The following PRELID2 variants were observed in gnomAD, a reference collection of about 807,000 sequenced individuals.
The protein encoded by PRELID2 is PRELI domain-containing protein 2.
In PRELID2, 25 loss-of-function variants were observed where a neutral mutation model predicts 28.4. The observed-to-expected ratio is 0.88, with a 90% CI of 0.64 to 1.23. PRELID2 has a LOEUF of 1.23. PRELID2 is among the 50% of genes most tolerant of loss of function. The pLI is 0.00. For missense variants in PRELID2, 201 were observed against 214.4 expected (o/e 0.94, Z 0.39); for synonymous variants, 76 against 71.6 (o/e 1.06, Z -0.31).
chr5:145,773,537 T>C (rs760981431), intron 5 of PRELID2, among the ~76,000 whole-genome samples: 4 of 152,376 alleles, frequency 2.6e-5, no homozygotes, highest in East Asian at 1.9e-4. Context: ...TGATCATCTG[T>C]TGCCTGCTGG....
the PRELID2 span, among the ~76,000 whole-genome samples, chr5:145,279,578 C>A: frequency 6.6e-6 from 1 of 152,120 alleles, no homozygotes; most frequent in African/African-American, 2.4e-5. Context: ...GCTAGAATTT[C>A]ACAAACTCTA....
chr5:145,654,123 C>G (rs1267540658), intron 1 of PRELID2, among the ~76,000 whole-genome samples: 1 of 152,200 alleles, frequency 6.6e-6, no homozygotes, highest in African/African-American at 2.4e-5. Context: ...ATAAACACCT[C>G]TACGCAAATA....
intron 1 of PRELID2, among the ~76,000 whole-genome samples, chr5:145,824,463 T>TGTGTGTGTGAGA (rs373555427): frequency 0.012 from 1,783 of 143,642 alleles, 21 homozygotes; most frequent in Non-Finnish European, 0.022. Context: ...TGTGTGTGTG[T>TGTGTGTGTGAGA]GATATTGATT....
At chr5:145,727,598 G>GC (rs1756208670) in intron 1 of PRELID2, among the ~76,000 whole-genome samples, 1 of 152,134 alleles carries the variant, frequency 6.6e-6, no homozygotes, top group African/African-American at 2.4e-5. Flanking sequence ...GGTGGCTTCT[G>GC]CATCTGTAAA....
intron 1 of PRELID2, among the ~76,000 whole-genome samples, chr5:145,632,488 A>G (rs1206778269): frequency 6.6e-6 from 1 of 152,208 alleles, no homozygotes; most frequent in Non-Finnish European, 1.5e-5. Context: ...TTCTTCTTGT[A>G]TATAGAGAAT....
At chr5:145,612,541 G>T (rs1330485826) in intron 1 of PRELID2, among the ~76,000 whole-genome samples, 3 of 152,144 alleles carry the variant, frequency 2.0e-5, no homozygotes, top group South Asian at 2.1e-4. Context: ...CAATTTTTGA[G>T]ATTTTGGTGC....
At chr5:145,821,283 GTGTT>G (rs1488843211) in intron 2 of PRELID2, among the ~76,000 whole-genome samples, 1 of 150,236 alleles carries the variant, frequency 6.7e-6, no homozygotes, top group Non-Finnish European at 1.5e-5. Flanking sequence ...CCTCTTCTGT[GTGTT>G]TAAGCTCTCT....
At chr5:145,742,028 T>C (rs1756817651) in intron 1 of PRELID2, among the ~76,000 whole-genome samples, 1 of 127,494 alleles carries the variant, frequency 7.8e-6, no homozygotes, top group Non-Finnish European at 1.6e-5. Flanking sequence ...GTAAATAAAT[T>C]TATTCATTAA....
At chr5:145,773,995 T>C (rs111264678) in intron 5 of PRELID2, among the ~76,000 whole-genome samples, 2,443 of 152,338 alleles carry the variant, frequency 0.016, 64 homozygotes, top group African/African-American at 0.056. Context: ...TGATCTTCTT[T>C]ACATAAAAGG....
chr5:145,720,474 A>G (rs1326698663), intron 1 of PRELID2, among the ~76,000 whole-genome samples: 2 of 152,026 alleles, frequency 1.3e-5, no homozygotes, highest in African/African-American at 4.8e-5. Context: ...AAGAGGAAAA[A>G]AAATGTGAAC....
chr5:145,310,137 A>G, the PRELID2 span, among the ~76,000 whole-genome samples: 6 of 152,368 alleles, frequency 3.9e-5, no homozygotes, highest in African/African-American at 1.4e-4. Context: ...GTGAGATTTC[A>G]AGAAATAAAT....
At chr5:145,467,424 G>C (rs1752011815), downstream of PRELID2, among the ~76,000 whole-genome samples, 2 of 152,018 alleles carry the variant, frequency 1.3e-5, no homozygotes, top group Middle Eastern at 3.4e-3. Flanking sequence ...ACCATTCCAA[G>C]TCTACATATA....
At chr5:145,533,791 G>A (rs910999602) in intron 1 of PRELID2, among the ~76,000 whole-genome samples, 2 of 152,034 alleles carry the variant, frequency 1.3e-5, no homozygotes, top group East Asian at 3.9e-4. Flanking sequence ...CTGTAGTTAG[G>A]ATTCCAAATA....
intron 1 of PRELID2, among the ~76,000 whole-genome samples, chr5:145,636,611 C>T (rs375939275): frequency 2.0e-5 from 3 of 152,220 alleles, no homozygotes; most frequent in East Asian, 3.8e-4. Flanking sequence ...GAAACTGGCA[C>T]AGCCAGTTCT....
At chr5:145,312,684 G>A in the PRELID2 span, among the ~76,000 whole-genome samples, 1 of 151,952 alleles carries the variant, frequency 6.6e-6, no homozygotes, top group Non-Finnish European at 1.5e-5. Flanking sequence ...CAAATGACTG[G>A]ATTTTTTTTC....
chr5:145,339,648 C>A, the PRELID2 span, among the ~76,000 whole-genome samples: 1 of 152,142 alleles, frequency 6.6e-6, no homozygotes, highest in Non-Finnish European at 1.5e-5. Context: ...AGAAGCTATA[C>A]ATTCCCATGC....
rs369429281 is a variant in PRELID2, at chr5:145,824,425, CGTGTGTGTGTGTGT to C, written c.76-1305_76-1292del. On this transcript the variant is annotated intron_variant, in intron 1 of 6. Coordinates refer to ENST00000683046, the MANE Select transcript of PRELID2 (RefSeq NM_205846.3). ...ACTGTGGGTCTCCACCCACAGCAGG[CGTGTGTGTGTGTGT>C]GTGTGTGTGTGTGTGTGTGTGTGTG... is the stretch of plus-strand genomic sequence containing the variant. Among the ~76,000 whole-genome samples the C allele has an allele frequency of 9.9e-4, 95 of 96,256 alleles. 1 individual carries two copies. The East Asian group carries it at 0.02, about 20-fold the overall frequency. The allele number at this position is 96,256 out of a possible 152,430, so 63.1% of individuals were successfully genotyped here.
chr5:145,567,343 ATGGTT>A (rs70998025), intron 1 of PRELID2, among the ~76,000 whole-genome samples: 2,132 of 146,306 alleles, frequency 0.015, 22 homozygotes, highest in Non-Finnish European at 0.021. Flanking sequence ...ATGAGATCTG[ATGGTT>A]TGGTTTGGTT....
chr5:145,456,332 C>T, the PRELID2 span, among the ~76,000 whole-genome samples: 4 of 152,190 alleles, frequency 2.6e-5, no homozygotes, highest in Admixed American at 2.6e-4. Context: ...GGTCTGCAGA[C>T]TATTTTGTGT....
Sources: allele counts gnomAD v4.1 joint callset (sites outside exome capture counted in the v4.1 genomes callset), GRCh38; gene constraint gnomAD v4.1.1; transcripts MANE v1.5; gene names NCBI Gene and HGNC (gene_info 2026-07-23, HGNC 2026-07-21).